The following CNTN3 variants were observed in gnomAD, a reference collection of about 807,000 sequenced individuals.
CNTN3 encodes the protein contactin-3.
CNTN3 carries 60 observed loss-of-function variants against 119.1 expected under a neutral mutation model. The observed-to-expected ratio is 0.50, with a 90% CI of 0.41 to 0.62. The LOEUF (loss-of-function observed/expected upper bound fraction) is 0.62, where lower values mean the gene tolerates loss of function less well. Among genes scored for constraint, CNTN3 ranks in the 20% least tolerant of loss-of-function variants. The pLI is 0.00. For missense variants in CNTN3, 1,101 were observed against 1,242.4 expected (o/e 0.89, Z 1.71); for synonymous variants, 450 against 438.7 (o/e 1.03, Z -0.32).
intron 1 of CNTN3, among the ~76,000 whole-genome samples, chr3:74,593,764 T>G (rs1704742818): frequency 2.0e-5 from 3 of 152,028 alleles, no homozygotes; most frequent in Admixed American, 6.6e-5. Context: ...AAATATTAGC[T>G]GCTGCTTTTA....
chr3:74,362,410 T>G (rs990803378), intron 10 of CNTN3, among the ~76,000 whole-genome samples: 1 of 152,202 alleles, frequency 6.6e-6, no homozygotes, highest in Non-Finnish European at 1.5e-5. Flanking sequence ...CTTGGTACAG[T>G]GCCTAGCATT....
At chr3:74,566,951 C>T (rs1704234279) in intron 1 of CNTN3, among the ~76,000 whole-genome samples, 1 of 152,060 alleles carries the variant, frequency 6.6e-6, no homozygotes, top group South Asian at 2.1e-4. Flanking sequence ...TCCTGCTTTC[C>T]ACTGGCTGAA....
intron 1 of CNTN3, among the ~76,000 whole-genome samples, chr3:74,582,074 A>C (rs1704518105): frequency 6.6e-6 from 1 of 152,174 alleles, no homozygotes; most frequent in Non-Finnish European, 1.5e-5. Context: ...AAAAAAGGAC[A>C]AACTAGATTT....
intron 13 of CNTN3, among the ~76,000 whole-genome samples, chr3:74,308,618 T>C (rs1332837258): frequency 2.1e-5 from 3 of 144,684 alleles, no homozygotes; most frequent in Non-Finnish European, 4.5e-5. Context: ...ACTTGGGAAT[T>C]TTTTTTTTTT....
chr3:74,435,149 A>C (rs1233560134), intron 4 of CNTN3, among the ~76,000 whole-genome samples: 2 of 152,146 alleles, frequency 1.3e-5, no homozygotes, highest in Non-Finnish European at 2.9e-5. Context: ...TTGCATTACC[A>C]TCATATTAAT....
intron 3 of CNTN3, among the ~76,000 whole-genome samples, chr3:74,488,918 C>T (rs1057493827): frequency 1.4e-4 from 22 of 152,214 alleles, no homozygotes; most frequent in Non-Finnish European, 2.5e-4. Context: ...ATTATCCTTC[C>T]CAAATCAAGT....
intron 1 of CNTN3, among the ~76,000 whole-genome samples, chr3:74,541,950 T>C (rs1273703566): frequency 1.3e-5 from 2 of 152,166 alleles, no homozygotes; most frequent in Non-Finnish European, 2.9e-5. Flanking sequence ...ACATGTAGTA[T>C]GGACTGGGTG....
chr3:74,538,111 A>G (rs573804472), intron 1 of CNTN3, among the ~76,000 whole-genome samples: 5 of 152,112 alleles, frequency 3.3e-5, no homozygotes, highest in African/African-American at 1.2e-4. Flanking sequence ...AACAAAAAAA[A>G]AGCTGAGTTA....
chr3:74,557,944 G>A (rs546905205), intron 1 of CNTN3, among the ~76,000 whole-genome samples: 1 of 152,154 alleles, frequency 6.6e-6, no homozygotes, highest in Non-Finnish European at 1.5e-5. Flanking sequence ...ACAAATGGAT[G>A]CATGGAACAC....
intron 4 of CNTN3, among the ~76,000 whole-genome samples, chr3:74,444,866 A>T (rs1442296017): frequency 1.3e-5 from 2 of 152,194 alleles, no homozygotes; most frequent in African/African-American, 4.8e-5. Context: ...AAATCCACAA[A>T]TGAATAAGAT....
At chr3:74,505,420 G>A (rs1280930652) in intron 2 of CNTN3, among the ~76,000 whole-genome samples, 1 of 151,816 alleles carries the variant, frequency 6.6e-6, no homozygotes, top group Non-Finnish European at 1.5e-5. Flanking sequence ...CTGCGACCAA[G>A]TGGACACCAT....
chr3:74,347,720 C>T (rs565421722), intron 11 of CNTN3, among the ~76,000 whole-genome samples: 21 of 152,280 alleles, frequency 1.4e-4, no homozygotes, highest in African/African-American at 3.9e-4. Flanking sequence ...TGGCAGAGCA[C>T]GTGGTAGGTG....
chr3:74,552,842 T>C (rs1162128891), intron 1 of CNTN3, among the ~76,000 whole-genome samples: 1 of 152,186 alleles, frequency 6.6e-6, no homozygotes, highest in South Asian at 2.1e-4. Context: ...CCTGCTGTTT[T>C]GTGAAGAAGG....
At chr3:74,289,683 GTTA>G (rs1272280509) in intron 19 of CNTN3, among the ~76,000 whole-genome samples, 3 of 152,158 alleles carry the variant, frequency 2.0e-5, no homozygotes, top group Non-Finnish European at 4.4e-5. Context: ...AATGCTGTGA[GTTA>G]TTATTATCTC....
intron 1 of CNTN3, among the ~76,000 whole-genome samples, chr3:74,527,135 C>T (rs1703631968): frequency 1.3e-5 from 2 of 151,736 alleles, no homozygotes; most frequent in Non-Finnish European, 2.9e-5. Flanking sequence ...GCTTATTTTT[C>T]ATGCATAAAT....
At chr3:74,600,494 G>A (rs968935520) in intron 1 of CNTN3, among the ~76,000 whole-genome samples, 1 of 152,044 alleles carries the variant, frequency 6.6e-6, no homozygotes, top group Non-Finnish European at 1.5e-5. Context: ...TTTGACCTGA[G>A]GCACTCTATG....
chr3:74,479,534 C>T (rs938060156), intron 4 of CNTN3, among the ~76,000 whole-genome samples: 7 of 152,100 alleles, frequency 4.6e-5, no homozygotes, highest in South Asian at 2.1e-4. Flanking sequence ...TAAGCTAAGT[C>T]TCTCGATTGA....
chr3:74,303,864 T>C (rs538729712), intron 13 of CNTN3, among the ~76,000 whole-genome samples: 1 of 152,288 alleles, frequency 6.6e-6, no homozygotes, highest in Admixed American at 6.5e-5. Context: ...TGCAAGCCAG[T>C]TTCACACATT....
At chr3:74,450,155 C>G (rs1375164231) in intron 4 of CNTN3, among the ~76,000 whole-genome samples, 1 of 151,954 alleles carries the variant, frequency 6.6e-6, no homozygotes, top group African/African-American at 2.4e-5. Flanking sequence ...AGCTATATTT[C>G]TTTAGTAGGA....
Sources: allele counts gnomAD v4.1 joint callset (sites outside exome capture counted in the v4.1 genomes callset), GRCh38; gene constraint gnomAD v4.1.1; transcripts MANE v1.5; gene names NCBI Gene and HGNC (gene_info 2026-07-23, HGNC 2026-07-21).